LIPA: variants seen among roughly 807,000 people sequenced by gnomAD.
LIPA encodes the protein lipase A, lysosomal acid type, also known as lysosomal acid lipase/cholesteryl ester hydrolase.
In LIPA, 26 loss-of-function variants were observed where a neutral mutation model predicts 40.6. The ratio of observed to expected loss-of-function variants is 0.64; its 90% CI spans 0.47 to 0.89. LIPA has a LOEUF of 0.89. Among genes scored for constraint, LIPA ranks in the 40% least tolerant of loss-of-function variants. The pLI is 0.00. For missense variants in LIPA, 455 were observed against 479.6 expected, an observed-to-expected ratio of 0.95 and a Z score of 0.48; for synonymous variants, 188 against 168.4, an observed-to-expected ratio of 1.12 and a Z score of -0.90.
At chr10:89,290,353 A>G (rs1429458986) in intron 1 of LIPA, among the ~76,000 whole-genome samples, 1 of 152,052 alleles carries the variant, frequency 6.6e-6, no homozygotes, top group Admixed American at 6.6e-5. Flanking sequence ...TTACCACAAA[A>G]TCTTTCTTCA....
intron 2 of LIPA, among the ~76,000 whole-genome samples, chr10:89,370,392 G>GA (rs1554879292): frequency 3.4e-5 from 5 of 147,942 alleles, no homozygotes; most frequent in African/African-American, 9.9e-5. Context: ...ATCGGGCTAA[G>GA]TTTTTTTTTT....
At chr10:89,225,022 C>G in intron 6 of LIPA, 70 bp downstream of exon 6, 1 of 1,558,348 alleles carries the variant, frequency 6.4e-7, no homozygotes, top group Non-Finnish European at 8.8e-7. Flanking sequence ...TTATCCCTCC[C>G]CTTGCCATTT....
intron 2 of LIPA, among the ~76,000 whole-genome samples, chr10:89,399,237 G>A (rs1264972809): frequency 6.6e-6 from 1 of 152,082 alleles, no homozygotes; most frequent in African/African-American, 2.4e-5. Flanking sequence ...TTTTGTTGCT[G>A]AGTTGTAGAG....
At chr10:89,250,486 C>T (rs1436662973) in intron 1 of LIPA, among the ~76,000 whole-genome samples, 4 of 152,136 alleles carry the variant, frequency 2.6e-5, no homozygotes, top group Non-Finnish European at 4.4e-5. Flanking sequence ...CAACTTTGTA[C>T]TTCTTCATGA....
At chr10:89,261,874 T>TC (rs1226591967) in intron 1 of LIPA, among the ~76,000 whole-genome samples, 1 of 152,180 alleles carries the variant, frequency 6.6e-6, no homozygotes, top group African/African-American at 2.4e-5. Context: ...CCCCTCCCTA[T>TC]CCCTGAACAG....
At chr10:89,375,052 A>C (rs1462739545) in intron 2 of LIPA, among the ~76,000 whole-genome samples, 1 of 152,260 alleles carries the variant, frequency 6.6e-6, no homozygotes, top group Non-Finnish European at 1.5e-5. Flanking sequence ...GCTAATGGTC[A>C]GCACAGACTG....
intron 1 of LIPA, among the ~76,000 whole-genome samples, chr10:89,309,978 C>T (rs189003972): frequency 2.0e-4 from 30 of 152,324 alleles, no homozygotes; most frequent in Admixed American, 1.8e-3. Context: ...TCAGAGTTAT[C>T]GGACCACATC....
In LIPA at chr10:89,332,217, G is replaced by A. The variant is rs143717616; in HGVS notation, c.-2+10394C>T. On this transcript the variant is annotated intron_variant, in intron 1 of 5. Transcript: ENST00000282673. ...TTAACATGTAACCCCTCACCACACA[G>A]GTCAAAGAGCAACAGTCATGCACCT... Among the ~76,000 whole-genome samples, 848 of 152,304 alleles carry A rather than the reference G, an allele frequency of 5.6e-3. 3 individuals are homozygous for A. The highest frequency in any genetic ancestry group is 0.027 in the Middle Eastern group (8 of 294).
At chr10:89,259,213 T>C (rs1241229957) in intron 1 of LIPA, among the ~76,000 whole-genome samples, 1 of 152,232 alleles carries the variant, frequency 6.6e-6, no homozygotes, top group Non-Finnish European at 1.5e-5. Context: ...TTTTTAACTT[T>C]ATAAAATGAT....
chr10:89,351,450 G>A (rs1374992143), intron 2 of LIPA, among the ~76,000 whole-genome samples: 1 of 152,184 alleles, frequency 6.6e-6, no homozygotes, highest in Non-Finnish European at 1.5e-5. Context: ...AAGTATCCAT[G>A]ACGATTTTAT....
upstream of LIPA, among the ~76,000 whole-genome samples, chr10:89,254,023 C>G (rs527637180): frequency 6.6e-6 from 1 of 152,242 alleles, no homozygotes; most frequent in Non-Finnish European, 1.5e-5. Flanking sequence ...GCTCCTTTCA[C>G]AGGCTGGTGT....
intron 3 of LIPA, among the ~76,000 whole-genome samples, chr10:89,231,673 T>C (rs1030583585): frequency 2.0e-5 from 3 of 152,204 alleles, no homozygotes; most frequent in Non-Finnish European, 4.4e-5. Context: ...AGATGAGGTC[T>C]TACTATGTTG....
chr10:89,338,560 G>C, intron 1 of LIPA: 1 of 1,105,838 alleles, frequency 9.0e-7, no homozygotes, highest in Non-Finnish European at 1.3e-6. Context: ...CAAATATCTG[G>C]GCATCCTGTG....
At chr10:89,359,628 G>A (rs941340765) in intron 2 of LIPA, among the ~76,000 whole-genome samples, 2 of 152,194 alleles carry the variant, frequency 1.3e-5, no homozygotes, top group Non-Finnish European at 2.9e-5. Flanking sequence ...CCCTCATCAA[G>A]CTGCTCCTAT....
At chr10:89,381,855 G>A (rs1426151870) in intron 2 of LIPA, among the ~76,000 whole-genome samples, 1 of 151,884 alleles carries the variant, frequency 6.6e-6, no homozygotes, top group Non-Finnish European at 1.5e-5. Context: ...GCATGATCTC[G>A]GTTCATGGCA....
At chr10:89,382,687 C>T (rs1844171957) in intron 2 of LIPA, among the ~76,000 whole-genome samples, 1 of 152,246 alleles carries the variant, frequency 6.6e-6, no homozygotes, top group Non-Finnish European at 1.5e-5. Flanking sequence ...ATCAGTAAGG[C>T]TGCCCTTGTG....
intron 1 of LIPA, among the ~76,000 whole-genome samples, chr10:89,303,115 AT>A (rs538362518): frequency 5.8e-4 from 88 of 151,402 alleles, no homozygotes; most frequent in African/African-American, 2.1e-3. Flanking sequence ...GCATGGTCTT[AT>A]CTTAGAATTT....
At chr10:89,255,473 ACAATT>A (rs1471718161), upstream of LIPA, among the ~76,000 whole-genome samples, 1 of 152,216 alleles carries the variant, frequency 6.6e-6, no homozygotes, top group Non-Finnish European at 1.5e-5. Flanking sequence ...TATGGGAACT[ACAATT>A]CAAGATAATG....
intron 2 of LIPA, chr10:89,378,239 G>A (rs1844137010): frequency 8.1e-7 from 1 of 1,227,972 alleles, no homozygotes; most frequent in East Asian, 2.3e-5. Context: ...TCTCCTAAGG[G>A]AGCTGTCCCA....
Sources: allele counts gnomAD v4.1 joint callset (sites outside exome capture counted in the v4.1 genomes callset), GRCh38; gene constraint gnomAD v4.1.1; transcripts MANE v1.5; gene names NCBI Gene and HGNC (gene_info 2026-07-23, HGNC 2026-07-21).